Variants in TSPAN11 observed in about 807,000 individuals in gnomAD.
TSPAN11 encodes the protein tetraspanin 11.
Under a neutral mutation model 32.9 loss-of-function variants are expected in TSPAN11, and 29 were observed. That is an observed-to-expected ratio of 0.88 (90% CI 0.66 to 1.20). The LOEUF is 1.20. TSPAN11 is among the 50% of genes most tolerant of loss of function. TSPAN11 has a pLI of 0.00. For missense variants in TSPAN11, 283 were observed against 329.1 expected (o/e 0.86, Z 1.08); for synonymous variants, 140 against 141.3 (o/e 0.99, Z 0.07).
chr12:30,968,916 C>T (rs991559560), intron 3 of TSPAN11, among the ~76,000 whole-genome samples: 39 of 152,200 alleles, frequency 2.6e-4, no homozygotes, highest in African/African-American at 9.2e-4. Context: ...GCCTAGCTTG[C>T]TCTGGGACCT....
chr12:30,945,920 G>C (rs1194897054), intron 1 of TSPAN11, among the ~76,000 whole-genome samples: 1 of 152,140 alleles, frequency 6.6e-6, no homozygotes, highest in African/African-American at 2.4e-5. Flanking sequence ...CTGGAAGAAG[G>C]CCCGCTGAGG....
chr12:30,926,765 C>T lies in TSPAN11; in HGVS notation c.-43C>T, dbSNP rs948654023. On this transcript the variant is annotated 5_prime_UTR_variant, in exon 1 of 8. Transcript: ENST00000546076. ...CCGCTCTCAGTCTCTCTAGGCGCAG[C>T]TCCCTTCGCCGCTTCCGGAGCCCCT... 9.6e-6 allele frequency: 3 copies of T among 313,888 alleles called. No individual in the cohort carries two copies. The highest frequency in any genetic ancestry group is 1.2e-4 in the Admixed American group (2 of 17,036). 19.4% of individuals were successfully genotyped at this position (313,888 alleles called of 1,614,324 possible).
chr12:31,009,161 C>T, the TSPAN11 span, among the ~76,000 whole-genome samples: 5 of 152,364 alleles, frequency 3.3e-5, no homozygotes, highest in South Asian at 1.0e-3. Flanking sequence ...AATGCGCCTT[C>T]CACACCTCTG....
chr12:30,933,566 G>A (rs904267719), intron 1 of TSPAN11, among the ~76,000 whole-genome samples: 2 of 152,166 alleles, frequency 1.3e-5, no homozygotes, highest in African/African-American at 2.4e-5. Flanking sequence ...TGCAGGAGCC[G>A]CTCCACTGAA....
chr12:30,949,617 C>T (rs1405980832), intron 1 of TSPAN11, among the ~76,000 whole-genome samples: 4 of 152,170 alleles, frequency 2.6e-5, no homozygotes, highest in Admixed American at 2.0e-4. Flanking sequence ...TCCCACAGCA[C>T]ATGGGAATTC....
the TSPAN11 span, among the ~76,000 whole-genome samples, chr12:31,011,707 T>C: frequency 2.0e-5 from 3 of 152,080 alleles, no homozygotes; most frequent in East Asian, 3.9e-4. Context: ...GGAAAACCCA[T>C]TGGTGATTCC....
chr12:30,943,867 G>T (rs1472908138), intron 1 of TSPAN11, among the ~76,000 whole-genome samples: 1 of 152,230 alleles, frequency 6.6e-6, no homozygotes, highest in Admixed American at 6.5e-5. Context: ...TTGGCATGGG[G>T]TGTGGAAATC....
chr12:30,997,196 A>G (rs35064), downstream of TSPAN11: 117,976 of 152,224 alleles, frequency 0.78, 46,055 homozygotes, highest in East Asian at 1. Context: ...GCAGAAAGAT[A>G]AATCTTTGCT....
At chr12:30,946,728 G>A (rs147240910) in intron 1 of TSPAN11, among the ~76,000 whole-genome samples, 371 of 152,318 alleles carry the variant, frequency 2.4e-3, no homozygotes, top group African/African-American at 8.3e-3. Flanking sequence ...AGATCACAGC[G>A]TGAATGAAAG....
At chr12:31,003,059 A>ATC in the TSPAN11 span, among the ~76,000 whole-genome samples, 5 of 152,210 alleles carry the variant, frequency 3.3e-5, no homozygotes, top group Non-Finnish European at 7.3e-5. Context: ...TCCTACTGTA[A>ATC]TCATCTACAA....
rs144334732 is a variant in TSPAN11 at position 30,978,388 on chromosome 12, G to C, written c.277-173G>C. The C allele has an allele frequency of 8.4e-4, 543 of 644,650 alleles. 2 individuals carry two copies. In the African/African-American group the frequency reaches 8.9e-3, roughly 11 times the overall value. 39.9% of individuals were successfully genotyped at this position (644,650 alleles called of 1,614,324 possible). On this transcript the variant is annotated intron_variant, in intron 3 of 7. Coordinates refer to ENST00000546076, the MANE Select transcript of TSPAN11 (RefSeq NM_001370302.1). ...TGTCAGCAGACCAAAGAGGGAAGGA[G>C]TAAGTGGGGAACTTGGTGCCAGCAG...
At chr12:31,012,966 G>A in the TSPAN11 span, among the ~76,000 whole-genome samples, 1 of 152,186 alleles carries the variant, frequency 6.6e-6, no homozygotes, top group African/African-American at 2.4e-5. Flanking sequence ...GTCTGTGTGT[G>A]TTTACTGTAC....
intron 1 of TSPAN11, among the ~76,000 whole-genome samples, chr12:30,941,987 A>G (rs958484840): frequency 1.3e-5 from 2 of 152,164 alleles, no homozygotes; most frequent in Non-Finnish European, 2.9e-5. Flanking sequence ...GGTTTTCTCC[A>G]GGTAGATTTT....
chr12:30,935,662 G>A (rs1006094318), intron 1 of TSPAN11, among the ~76,000 whole-genome samples: 16 of 152,142 alleles, frequency 1.1e-4, no homozygotes, highest in African/African-American at 3.1e-4. Context: ...ATTATATAGC[G>A]TTGTTCTTTT....
intron 3 of TSPAN11, among the ~76,000 whole-genome samples, chr12:30,976,145 A>G (rs1031292372): frequency 6.6e-5 from 10 of 151,918 alleles, no homozygotes; most frequent in Non-Finnish European, 1.0e-4. Flanking sequence ...TCCCAGGGGG[A>G]TCACACTCTG....
At chr12:30,950,144 G>A (rs1043694451) in intron 1 of TSPAN11, among the ~76,000 whole-genome samples, 1 of 151,634 alleles carries the variant, frequency 6.6e-6, no homozygotes, top group African/African-American at 2.4e-5. Flanking sequence ...CCATCCTGGG[G>A]TTGGCATCAC....
rs796429448 is a variant in TSPAN11, at chr12:30,960,765, G to A, written c.85-3061G>A. Among the ~76,000 whole-genome samples, 27 of 152,060 alleles carry A rather than the reference G, an allele frequency of 1.8e-4. 2 individuals carry two copies. Among genetic ancestry groups the A allele is most frequent in the Admixed American group, 7.2e-4 (11 of 15,294 alleles). ...TGAAAAATGTAGTTATTGCCCAGGC[G>A]CGCTGGCTCACACCTGTAATCCCAG... On this transcript the variant is annotated intron_variant, in intron 2 of 7. Coordinates refer to ENST00000546076, the MANE Select transcript of TSPAN11 (RefSeq NM_001370302.1).
In TSPAN11 at chr12:30,955,768, C is replaced by T. The variant is rs1197609453; in HGVS notation, c.84+1693C>T. ...AGTCTCCAAGGCCTCTGTCATCACA[C>T]ACTGTTGTCCGTGTGTGTCTCTGTC... is the stretch of plus-strand genomic sequence containing the variant. On this transcript the variant is annotated intron_variant, in intron 2 of 7. Transcript: ENST00000546076. Among the ~76,000 whole-genome samples, 3 of 152,218 alleles carry T rather than the reference C, an allele frequency of 2.0e-5. 1 individual carries two copies. The highest frequency in any genetic ancestry group is 7.2e-5 in the African/African-American group (3 of 41,460).
In TSPAN11 at chr12:30,975,305, T is replaced by TGTCACACACCTGTCCAGGTGA. The variant is rs1207845888; in HGVS notation, c.277-3245_277-3225dup. 2.6e-5 allele frequency among the ~76,000 whole-genome samples: 4 copies of TGTCACACACCTGTCCAGGTGA among 152,184 alleles called. No homozygotes were observed. The highest frequency in any genetic ancestry group is 9.6e-5 in the African/African-American group (4 of 41,532). ...GGACCCTTTGCCTGCCTCCTGGGCC[T>TGTCACACACCTGTCCAGGTGA]GTCACACACCTGTCCAGGTGAGTCA... On this transcript the variant is annotated intron_variant, in intron 3 of 7. Transcript: ENST00000546076. The surrounding 1 kb of genome is among the most constrained non-coding windows in gnomAD (Gnocchi z 4.5).
Sources: allele counts gnomAD v4.1 joint callset (sites outside exome capture counted in the v4.1 genomes callset), GRCh38; gene constraint gnomAD v4.1.1; non-coding constraint Gnocchi (gnomAD v3.1); transcripts MANE v1.5; gene names NCBI Gene and HGNC (gene_info 2026-07-23, HGNC 2026-07-21).